DAB1: variants seen among roughly 807,000 people sequenced by gnomAD.
The protein encoded by DAB1 is disabled homolog 1.
A neutral mutation model predicts 64.6 loss-of-function variants in DAB1; 15 were observed. The observed-to-expected ratio is 0.23, with a 90% CI of 0.16 to 0.36. DAB1 has a LOEUF of 0.36. Ranked by LOEUF, DAB1 falls within the 10% of genes least tolerant of loss-of-function variation. DAB1 has a pLI of 1.00. For missense variants in DAB1, 596 were observed against 706.7 expected (o/e 0.84, Z 1.78); for synonymous variants, 235 against 251.9 (o/e 0.93, Z 0.64).
intron 1 of DAB1, among the ~76,000 whole-genome samples, chr1:58,532,346 A>G (rs1380700617): frequency 6.6e-6 from 1 of 152,194 alleles, no homozygotes; most frequent in Admixed American, 6.5e-5. Context: ...TACACTGAAT[A>G]TAAGGCACTG....
chr1:58,047,189 C>T (rs1186748272), intron 5 of DAB1, among the ~76,000 whole-genome samples: 2 of 152,306 alleles, frequency 1.3e-5, no homozygotes, highest in South Asian at 2.1e-4. Flanking sequence ...GCTATGAATG[C>T]AAGCCACATA....
At chr1:57,042,739 A>G (rs905660035) in intron 9 of DAB1, among the ~76,000 whole-genome samples, 1 of 152,196 alleles carries the variant, frequency 6.6e-6, no homozygotes. Flanking sequence ...AACTGAACAG[A>G]AAGAAACTTG....
At chr1:58,013,518 A>G (rs1235937305) in intron 5 of DAB1, among the ~76,000 whole-genome samples, 2 of 152,312 alleles carry the variant, frequency 1.3e-5, no homozygotes, top group East Asian at 3.9e-4. Flanking sequence ...ACAACCTTGT[A>G]CACTTGTGTC....
chr1:57,865,103 G>A lies in DAB1; in HGVS notation n.87+18896C>T, dbSNP rs1204867415. 7.9e-5 allele frequency: 12 copies of A among 152,052 alleles called. No homozygotes were observed. The East Asian group carries it at 2.3e-3, about 29-fold the overall frequency. 9.4% of individuals were successfully genotyped at this position (152,052 alleles called of 1,614,324 possible). On this transcript the variant is annotated intron_variant and non_coding_transcript_variant, in intron 1 of 1. Coordinates refer to the DAB1 transcript ENST00000477280. Reference sequence around the variant, plus strand: ...CAGGCTTCTTTCATCTTGTGGCTTGGTCATCACCTAGGGGCTCACAGATGT... The same window carrying A: ...CAGGCTTCTTTCATCTTGTGGCTTGATCATCACCTAGGGGCTCACAGATGT...
chr1:58,494,178 T>TC (rs766241190), intron 3 of DAB1, among the ~76,000 whole-genome samples: 1 of 152,202 alleles, frequency 6.6e-6, no homozygotes, highest in Non-Finnish European at 1.5e-5. Flanking sequence ...AAGGATTCCC[T>TC]CTTTAATAAA....
intron 1 of DAB1, chr1:58,534,298 C>CA (rs1191048243): frequency 2.3e-6 from 2 of 862,756 alleles, no homozygotes. Flanking sequence ...GCATCTTTCT[C>CA]AGTTAGCATA....
At chr1:57,193,448 G>A (rs1336177868) in intron 2 of DAB1, among the ~76,000 whole-genome samples, 3 of 134,044 alleles carry the variant, frequency 2.2e-5, no homozygotes, top group East Asian at 2.2e-4. Context: ...GTGCAGTGGC[G>A]CGATCTCGGC....
chr1:57,450,410 A>T (rs1452535610), intron 7 of DAB1, among the ~76,000 whole-genome samples: 1 of 152,224 alleles, frequency 6.6e-6, no homozygotes, highest in Non-Finnish European at 1.5e-5. Flanking sequence ...TTTGCTGAAA[A>T]AAAATATTCT....
At chr1:57,793,139 A>G (rs1360719430) in intron 6 of DAB1, among the ~76,000 whole-genome samples, 1 of 152,216 alleles carries the variant, frequency 6.6e-6, no homozygotes, top group African/African-American at 2.4e-5. Flanking sequence ...TCCAAACACA[A>G]TATCTAGGCT....
chr1:58,429,024 A>G (rs1644845992), intron 3 of DAB1, among the ~76,000 whole-genome samples: 2 of 152,234 alleles, frequency 1.3e-5, no homozygotes, highest in African/African-American at 4.8e-5. Flanking sequence ...GTAATCGTGT[A>G]GTATAAGACC....
At chr1:57,187,501 T>A (rs1569817954) in intron 2 of DAB1, among the ~76,000 whole-genome samples, 2 of 152,190 alleles carry the variant, frequency 1.3e-5, no homozygotes, top group African/African-American at 2.4e-5. Flanking sequence ...GCTCCTGGAA[T>A]AGGTAAATGA....
intron 3 of DAB1, among the ~76,000 whole-genome samples, chr1:58,388,408 G>A (rs1644451078): frequency 6.6e-6 from 1 of 152,204 alleles, no homozygotes; most frequent in Non-Finnish European, 1.5e-5. Flanking sequence ...CTGATAGAAA[G>A]AGACAGACTC....
intron 5 of DAB1, among the ~76,000 whole-genome samples, chr1:58,107,902 C>A (rs796564168): frequency 3.3e-5 from 5 of 152,166 alleles, no homozygotes; most frequent in African/African-American, 9.6e-5. Context: ...CAGGTGTGAG[C>A]CACTGCACCC....
chr1:58,338,808 T>A (rs554723558), intron 4 of DAB1, among the ~76,000 whole-genome samples: 1 of 152,282 alleles, frequency 6.6e-6, no homozygotes, highest in African/African-American at 2.4e-5. Flanking sequence ...ATCCATACAA[T>A]GAAAAATTAC....
At chr1:57,096,410 C>G (rs1442751450) in intron 4 of DAB1, among the ~76,000 whole-genome samples, 1 of 152,144 alleles carries the variant, frequency 6.6e-6, no homozygotes. Context: ...TTAAACTCCC[C>G]CATTTCAAGC....
intron 5 of DAB1, among the ~76,000 whole-genome samples, chr1:57,987,440 G>A (rs149094039): frequency 2.0e-5 from 3 of 152,312 alleles, no homozygotes; most frequent in Non-Finnish European, 2.9e-5. Context: ...GCAAGCTGGG[G>A]CATAGGAAGG....
At chr1:58,543,619 C>T (rs1048122459) in intron 1 of DAB1, among the ~76,000 whole-genome samples, 6 of 152,174 alleles carry the variant, frequency 3.9e-5, no homozygotes, top group South Asian at 2.1e-4. Flanking sequence ...GCAACAGAAT[C>T]CTACCCCGAC....
chr1:58,013,177 C>T (rs1294962565), intron 5 of DAB1, among the ~76,000 whole-genome samples: 1 of 152,138 alleles, frequency 6.6e-6, no homozygotes, highest in Non-Finnish European at 1.5e-5. Flanking sequence ...ATTTTAGGAT[C>T]GTTACAGCAG....
At chr1:57,928,594 A>G (rs1355259293) in intron 5 of DAB1, among the ~76,000 whole-genome samples, 1 of 152,212 alleles carries the variant, frequency 6.6e-6, no homozygotes, top group East Asian at 1.9e-4. Flanking sequence ...TACGTGCAGC[A>G]TAATCCTCTG....
Sources: gnomAD v4.1 joint callset for allele counts (sites outside exome capture counted in the v4.1 genomes callset) on GRCh38, gnomAD v4.1.1 for gene constraint, MANE v1.5 for transcripts, NCBI Gene and HGNC (gene_info 2026-07-23, HGNC 2026-07-21) for gene names.